Variants in GALNTL6 observed in about 807,000 individuals in gnomAD.
GALNTL6 encodes the protein polypeptide N-acetylgalactosaminyltransferase-like 6.
Under a neutral mutation model 73.7 loss-of-function variants are expected in GALNTL6, and 46 were observed. That is an observed-to-expected ratio of 0.62 (90% CI 0.49 to 0.80). The LOEUF is 0.80. Ranked by LOEUF, GALNTL6 falls within the 30% of genes least tolerant of loss-of-function variation. GALNTL6 has a pLI of 0.00. For missense variants in GALNTL6, 604 were observed against 755.0 expected (o/e 0.80, Z 2.34); for synonymous variants, 259 against 263.7 (o/e 0.98, Z 0.17).
At chr4:172,565,066 G>A (rs1456962173) in intron 5 of GALNTL6, among the ~76,000 whole-genome samples, 2 of 152,170 alleles carry the variant, frequency 1.3e-5, no homozygotes, top group African/African-American at 2.4e-5. Flanking sequence ...TCCACAGATG[G>A]TGCCTTGTTG....
At chr4:172,188,188 CA>C (rs1431614875) in intron 2 of GALNTL6, among the ~76,000 whole-genome samples, 7 of 152,120 alleles carry the variant, frequency 4.6e-5, no homozygotes, top group Admixed American at 4.6e-4. Flanking sequence ...CAGGTTTGAC[CA>C]TAACGCATAC....
intron 2 of GALNTL6, among the ~76,000 whole-genome samples, chr4:172,037,865 C>T (rs1320028793): frequency 6.6e-6 from 1 of 152,166 alleles, no homozygotes; most frequent in African/African-American, 2.4e-5. Context: ...TGCCTGTAAT[C>T]CCAGCACTTT....
intron 2 of GALNTL6, among the ~76,000 whole-genome samples, chr4:171,897,752 C>A (rs113156555): frequency 1.3e-5 from 2 of 151,400 alleles, no homozygotes; most frequent in South Asian, 2.1e-4. Context: ...CCGGTGAAAC[C>A]GCTTTTCTAC....
intron 5 of GALNTL6, among the ~76,000 whole-genome samples, chr4:172,635,219 A>G (rs541267828): frequency 4.6e-5 from 7 of 152,278 alleles, no homozygotes; most frequent in South Asian, 2.1e-4. Flanking sequence ...TGAGTTAAGT[A>G]TCTGCTTGAT....
At chr4:172,230,428 A>G (rs28541783) in intron 3 of GALNTL6, among the ~76,000 whole-genome samples, 1 of 152,014 alleles carries the variant, frequency 6.6e-6, no homozygotes, top group Non-Finnish European at 1.5e-5. Flanking sequence ...TCTACTAAAA[A>G]TACAAAAAAT....
At position 172,769,091 on chromosome 4, in the gene GALNTL6, A is replaced by G. The variant is rs115749013; in HGVS notation, c.554-40270A>G. 5.4e-3 allele frequency among the ~76,000 whole-genome samples: 826 copies of G among 152,180 alleles called. 7 individuals are homozygous for G. The highest frequency in any genetic ancestry group is 0.016 in the African/African-American group (681 of 41,538). On this transcript the variant is annotated intron_variant, in intron 5 of 12. Transcript: ENST00000506823. ...TAGCAAGTGATAAACTTTTTAAACT[A>G]TAAGTATTTTCATGCAAATAATGAA...
chr4:172,642,366 A>ATT (rs1409368815), intron 5 of GALNTL6, among the ~76,000 whole-genome samples: 6 of 151,988 alleles, frequency 3.9e-5, no homozygotes, highest in African/African-American at 1.2e-4. Flanking sequence ...TAAAATGGTC[A>ATT]TTATATATAT....
intron 2 of GALNTL6, among the ~76,000 whole-genome samples, chr4:172,163,967 G>A (rs199902467): frequency 2.0e-5 from 3 of 151,820 alleles, no homozygotes; most frequent in Non-Finnish European, 2.9e-5. Context: ...TTAATTATTA[G>A]ACAGAATTTC....
In GALNTL6 at chr4:173,005,942, T is replaced by C. The variant is rs150851346; in HGVS notation, c.1372-3236T>C. Among the ~76,000 whole-genome samples the C allele has an allele frequency of 1.1e-4, 16 of 152,266 alleles. No homozygotes were observed. The East Asian group carries it at 2.9e-3, about 28-fold the overall frequency. ...AGAGTCTAGAAAATGGTATCCTCCATCCCTGCCAGAGGCCTTTTGAGCTCA... is the reference window on the plus strand; with the variant it reads ...AGAGTCTAGAAAATGGTATCCTCCACCCCTGCCAGAGGCCTTTTGAGCTCA... On this transcript the variant is annotated intron_variant, in intron 10 of 12. Transcript: ENST00000506823.
chr4:172,187,561 C>T (rs930842999), intron 2 of GALNTL6, among the ~76,000 whole-genome samples: 2 of 152,004 alleles, frequency 1.3e-5, no homozygotes, highest in Non-Finnish European at 2.9e-5. Context: ...GAGTTGCTAT[C>T]AAAAGTTTGC....
At position 172,809,277 on chromosome 4, in the gene GALNTL6, C is replaced by T; in HGVS notation, c.554-84C>T. 9.3e-7 allele frequency: 1 copy of T among 1,069,558 alleles called. No individual in the cohort carries two copies. Among genetic ancestry groups the T allele is most frequent in the Non-Finnish European group, 1.4e-6 (1 of 707,708 alleles). 66.3% of individuals were successfully genotyped at this position (1,069,558 alleles called of 1,614,324 possible). A position where few individuals can be genotyped will look rare whatever the true frequency, so the allele number is the denominator to read the frequency against. On this transcript the variant is annotated intron_variant, in intron 5 of 12. Transcript: ENST00000506823. The surrounding 1 kb of genome is among the most constrained non-coding windows in gnomAD (Gnocchi z 4.4). ...TACCCCAGGATTCATCAGTCACATA[C>T]TCTCTATGCACAAACAACCGTGAAT...
chr4:172,167,982 A>AAAAG (rs1560950792), intron 2 of GALNTL6, among the ~76,000 whole-genome samples: 1 of 146,742 alleles, frequency 6.8e-6, no homozygotes, highest in Non-Finnish European at 1.5e-5. Flanking sequence ...AAAAAAAAAA[A>AAAAG]AAAGAAACAT....
intron 5 of GALNTL6, among the ~76,000 whole-genome samples, chr4:172,591,896 T>A (rs916157991): frequency 3.3e-5 from 5 of 152,180 alleles, no homozygotes; most frequent in Non-Finnish European, 7.4e-5. Context: ...TGACCTTGGC[T>A]ATCAATTCCT....
intron 5 of GALNTL6, among the ~76,000 whole-genome samples, chr4:172,467,812 TTCTTTCTTTC>T (rs1732879785): frequency 5.3e-5 from 3 of 56,922 alleles, no homozygotes; most frequent in African/African-American, 1.1e-4. Context: ...TACATTTTCT[TTCTTTCTTTC>T]TTTCTTTCTT....
intron 8 of GALNTL6, among the ~76,000 whole-genome samples, chr4:172,886,364 T>C (rs531828933): frequency 2.0e-5 from 3 of 152,330 alleles, no homozygotes; most frequent in Non-Finnish European, 4.4e-5. Context: ...CCTTTGTATT[T>C]CTGAGGTCTC....
rs139235451 is a variant in GALNTL6 at position 172,340,376 on chromosome 4, C to T, written c.387-8147C>T. The stretch of plus-strand genomic sequence containing the variant: ...TATGGTGTATGATCATTTTAATGTT[C>T]TGTTGAAGTTAGTTTGCTGGTATTT... On this transcript the variant is annotated intron_variant, in intron 4 of 12. Coordinates refer to ENST00000506823, the MANE Select transcript of GALNTL6 (RefSeq NM_001034845.3). Among the ~76,000 whole-genome samples the T allele has an allele frequency of 1.4e-3, 214 of 152,188 alleles. 1 individual carries two copies. The highest frequency in any genetic ancestry group is 5.0e-3 in the African/African-American group (208 of 41,520).
intron 2 of GALNTL6, among the ~76,000 whole-genome samples, chr4:172,098,685 T>C (rs1732426345): frequency 6.6e-6 from 1 of 152,162 alleles, no homozygotes; most frequent in Non-Finnish European, 1.5e-5. Flanking sequence ...GAAATCAGCT[T>C]GGGTTAAATT....
intron 5 of GALNTL6, among the ~76,000 whole-genome samples, chr4:172,776,390 C>T (rs1297584619): frequency 2.0e-5 from 3 of 152,066 alleles, no homozygotes; most frequent in Non-Finnish European, 4.4e-5. Flanking sequence ...AGAGGCCTGG[C>T]ATTTTTTTCT....
At chr4:171,987,274 G>A (rs186198141) in intron 2 of GALNTL6, among the ~76,000 whole-genome samples, 1 of 152,138 alleles carries the variant, frequency 6.6e-6, no homozygotes, top group South Asian at 2.1e-4. Context: ...TCCTGAAGAC[G>A]GAGGACCGTA....
Sources: allele counts gnomAD v4.1 joint callset (sites outside exome capture counted in the v4.1 genomes callset), GRCh38; gene constraint gnomAD v4.1.1; non-coding constraint Gnocchi (gnomAD v3.1); transcripts MANE v1.5; gene names NCBI Gene and HGNC (gene_info 2026-07-23, HGNC 2026-07-21).